Variants in AOAH observed in about 807,000 individuals in gnomAD.
The protein encoded by AOAH is acyloxyacyl hydrolase, also known as acyloxyacyl hydrolase (neutrophil).
In AOAH, 64 loss-of-function variants were observed where a neutral mutation model predicts 92.2. That is an observed-to-expected ratio of 0.69 (90% confidence interval 0.57 to 0.86). The LOEUF is 0.86. Ranked by LOEUF, AOAH falls within the 40% of genes least tolerant of loss-of-function variation. The pLI is 0.00. For missense variants in AOAH, 656 were observed against 694.6 expected (o/e 0.94, Z 0.62); for synonymous variants, 263 against 254.5 (o/e 1.03, Z -0.32).
intron 20 of AOAH, among the ~76,000 whole-genome samples, chr7:36,517,936 CACACACACCCACA>C (rs1562855064): frequency 9.3e-5 from 5 of 54,028 alleles, no homozygotes; most frequent in Non-Finnish European, 9.0e-5. Context: ...CACACCCACA[CACACACACCCACA>C]CACACACACA....
At position 36,594,350 on chromosome 7, in the gene AOAH, G is replaced by A. The variant is rs34628993; in HGVS notation, c.927C>T (p.Asp309=). 2.1e-3 allele frequency: 3,347 copies of A among 1,613,668 alleles called. 57 individuals are homozygous for A. In the African/African-American group the frequency reaches 0.039, roughly 19 times the overall value. The change falls in exon 12 of 21, where the codon GAC becomes GAT. Residue 309 remains aspartate (D), a synonymous_variant. Transcript: ENST00000617537. Reference sequence around the variant, plus strand: ...ACAAAGACACTTACCCAACAGTGGAGTCCAGAAATCCTGTAGCACCAGAGA... The same window carrying A: ...ACAAAGACACTTACCCAACAGTGGAATCCAGAAATCCTGTAGCACCAGAGA... The part of the protein sequence containing the change: ...PQLSGATGFL[D]STVGIKEKSI...
In AOAH at chr7:36,687,399, A is replaced by G. The variant is rs1321615175; in HGVS notation, c.128-605T>C. On this transcript the variant is annotated intron_variant, in intron 1 of 20. Transcript: ENST00000617537. Reference sequence around the variant, plus strand: ...GAACATGATAAGTGTCTAGGTGGACACTTGTATTAAGTTAGGAATATATTC... The same window carrying G: ...GAACATGATAAGTGTCTAGGTGGACGCTTGTATTAAGTTAGGAATATATTC... Among the ~76,000 whole-genome samples the G allele has an allele frequency of 3.3e-5, 5 of 152,214 alleles. No individual in the cohort carries two copies. The East Asian group carries it at 9.6e-4, about 29-fold the overall frequency.
chr7:36,670,775 C>A (rs937740355), intron 3 of AOAH, among the ~76,000 whole-genome samples: 1 of 152,112 alleles, frequency 6.6e-6, no homozygotes, highest in Non-Finnish European at 1.5e-5. Context: ...GCGCCCGGCC[C>A]GCTGGTCCCA....
intron 19 of AOAH, among the ~76,000 whole-genome samples, chr7:36,529,152 AG>A (rs1462674293): frequency 6.6e-6 from 1 of 152,176 alleles, no homozygotes; most frequent in Non-Finnish European, 1.5e-5. Context: ...AGGGCTGGAA[AG>A]GGAGTTTAAA....
At chr7:36,720,756 G>C (rs1799572167) in intron 1 of AOAH, among the ~76,000 whole-genome samples, 1 of 152,048 alleles carries the variant, frequency 6.6e-6, no homozygotes, top group Non-Finnish European at 1.5e-5. Context: ...CCTGAAGACA[G>C]ACATTCTAAA....
intron 4 of AOAH, among the ~76,000 whole-genome samples, chr7:36,640,971 G>A (rs1184468722): frequency 1.3e-5 from 2 of 152,130 alleles, no homozygotes; most frequent in Non-Finnish European, 2.9e-5. Flanking sequence ...GGAGCCGAGG[G>A]GGCACAGGTG....
chr7:36,694,695 T>C (rs1456156624), intron 1 of AOAH, among the ~76,000 whole-genome samples: 1 of 152,228 alleles, frequency 6.6e-6, no homozygotes, highest in African/African-American at 2.4e-5. Context: ...GACAAATCCA[T>C]ATTTTATTAT....
At chr7:36,564,274 T>G (rs1420825110) in intron 13 of AOAH, among the ~76,000 whole-genome samples, 1 of 152,212 alleles carries the variant, frequency 6.6e-6, no homozygotes, top group African/African-American at 2.4e-5. Flanking sequence ...AAGTGCTTCT[T>G]ATGTCCAGAG....
At chr7:36,551,822 T>G (rs1303790823) in intron 13 of AOAH, among the ~76,000 whole-genome samples, 1 of 152,226 alleles carries the variant, frequency 6.6e-6, no homozygotes, top group Non-Finnish European at 1.5e-5. Context: ...TGGGCTGTAT[T>G]GTAATACTAT....
chr7:36,513,804 A>T (rs1242088828), intron 20 of AOAH, among the ~76,000 whole-genome samples: 1 of 152,234 alleles, frequency 6.6e-6, no homozygotes, highest in Non-Finnish European at 1.5e-5. Flanking sequence ...GGATGAGAAC[A>T]TGGCCTGGAT....
At chr7:36,723,642 G>T (rs1170971750) in intron 1 of AOAH, among the ~76,000 whole-genome samples, 1 of 152,182 alleles carries the variant, frequency 6.6e-6, no homozygotes, top group Admixed American at 6.5e-5. Flanking sequence ...GGAAATGGGA[G>T]AGAAGGGTAG....
intron 19 of AOAH, among the ~76,000 whole-genome samples, chr7:36,524,239 G>C (rs1346074987): frequency 2.0e-5 from 3 of 152,082 alleles, no homozygotes; most frequent in African/African-American, 7.2e-5. Flanking sequence ...GTGTTGCACG[G>C]ACTGAATGTT....
chr7:36,718,479 CAT>C (rs1328766574), intron 1 of AOAH, among the ~76,000 whole-genome samples: 3 of 152,152 alleles, frequency 2.0e-5, no homozygotes, highest in East Asian at 1.9e-4. Context: ...AATAAAAACA[CAT>C]GTCTACACAA....
intron 1 of AOAH, among the ~76,000 whole-genome samples, chr7:36,694,826 G>C (rs945742754): frequency 7.9e-5 from 12 of 152,160 alleles, no homozygotes; most frequent in African/African-American, 2.9e-4. Context: ...GAATGGGATA[G>C]ATGATAGAAA....
rs745592865 is a variant in AOAH at position 36,522,127 on chromosome 7, ATAACGAGAGGG to A, written c.1523-23_1523-13del. The A allele has an allele frequency of 4.3e-6, 7 of 1,613,636 alleles. No homozygotes were observed. The East Asian group carries it at 1.3e-4, about 31-fold the overall frequency. Reference sequence around the variant, plus strand: ...CCACTCCTGTATGACTGCAGGGCACATAACGAGAGGGTTACAGACACACTTGCACAAGCAAC... The same window carrying A: ...CCACTCCTGTATGACTGCAGGGCACATTACAGACACACTTGCACAAGCAAC... On this transcript the variant is annotated splice_polypyrimidine_tract_variant and intron_variant, in intron 19 of 20. Transcript: ENST00000617537.
intron 13 of AOAH, among the ~76,000 whole-genome samples, chr7:36,566,864 T>C (rs540493933): frequency 1.8e-4 from 28 of 152,180 alleles, no homozygotes; most frequent in Non-Finnish European, 3.4e-4. Flanking sequence ...CCACTGTGCA[T>C]ACGTGCAGTG....
At chr7:36,599,642 G>T (rs777960097) in intron 11 of AOAH, 3 of 152,172 alleles carry the variant, frequency 2.0e-5, no homozygotes, top group Non-Finnish European at 2.9e-5. Flanking sequence ...GCAGATGGGG[G>T]ATTGTTACTT....
chr7:36,542,494 G>A (rs937843422), intron 15 of AOAH, among the ~76,000 whole-genome samples: 1 of 152,176 alleles, frequency 6.6e-6, no homozygotes, highest in Non-Finnish European at 1.5e-5. Context: ...GGAAGAGGGG[G>A]CAGAAAGGGG....
intron 11 of AOAH, among the ~76,000 whole-genome samples, chr7:36,600,711 C>T (rs982501503): frequency 2.6e-5 from 4 of 152,132 alleles, no homozygotes; most frequent in African/African-American, 9.7e-5. Flanking sequence ...CCTTGCTTTG[C>T]CCCCAAGCTG....
Sources: allele counts gnomAD v4.1 joint callset (sites outside exome capture counted in the v4.1 genomes callset), GRCh38; gene constraint gnomAD v4.1.1; transcripts MANE v1.5; gene names NCBI Gene and HGNC (gene_info 2026-07-23, HGNC 2026-07-21).